Variants in CORIN observed in about 807,000 individuals in gnomAD.
The protein encoded by CORIN is atrial natriuretic peptide-converting enzyme.
CORIN carries 117 observed loss-of-function variants against 125.3 expected under a neutral mutation model. The ratio of observed to expected loss-of-function variants is 0.93; its 90% CI spans 0.80 to 1.09. CORIN has a LOEUF of 1.09. CORIN is among the 50% of genes least tolerant of loss of function. The pLI, the probability that CORIN is intolerant of heterozygous loss-of-function variation, is 0.00. For missense variants in CORIN, 1,253 were observed against 1,306.7 expected, an observed-to-expected ratio of 0.96 and a Z score of 0.63; for synonymous variants, 450 against 466.4, an observed-to-expected ratio of 0.96 and a Z score of 0.45.
chr4:47,772,300 C>T (rs1025156703), intron 3 of CORIN, among the ~76,000 whole-genome samples: 14 of 152,186 alleles, frequency 9.2e-5, no homozygotes, highest in Admixed American at 5.2e-4. Context: ...ATATAGGCCT[C>T]GGCCGATGTG....
At chr4:47,654,349 C>G (rs1387788560) in intron 12 of CORIN, among the ~76,000 whole-genome samples, 1 of 129,658 alleles carries the variant, frequency 7.7e-6, no homozygotes, top group East Asian at 2.1e-4. Context: ...AAAAAAGCAC[C>G]TTCATAAGAA....
intron 3 of CORIN, among the ~76,000 whole-genome samples, chr4:47,773,277 A>G (rs1730142875): frequency 6.6e-6 from 1 of 152,214 alleles, no homozygotes; most frequent in African/African-American, 2.4e-5. Context: ...CAATAAGGAA[A>G]GGATTTATTG....
At chr4:47,617,159 AT>A (rs1253556821) in intron 19 of CORIN, among the ~76,000 whole-genome samples, 3 of 152,372 alleles carry the variant, frequency 2.0e-5, no homozygotes, top group African/African-American at 7.2e-5. Flanking sequence ...ATAGTTGTCT[AT>A]TCACAATCAG....
chr4:47,775,657 G>C (rs1429694086), intron 3 of CORIN, among the ~76,000 whole-genome samples: 2 of 152,148 alleles, frequency 1.3e-5, no homozygotes, highest in African/African-American at 4.8e-5. Flanking sequence ...AGGGTGGATG[G>C]AGGGAAGACA....
rs1482410971 is a variant in CORIN, at chr4:47,603,536, A to T, written c.2673T>A (p.Tyr891Ter). The T allele has an allele frequency of 6.2e-7, 1 of 1,614,062 alleles. No individual in the cohort carries two copies. Among genetic ancestry groups the T allele is most frequent in the East Asian group, 2.2e-5 (1 of 44,890 alleles). Residue 891 changes from tyrosine to a stop codon, truncating the protein, a stop_gained, in exon 20 of 22, where the codon TAT becomes TAA. Transcript: ENST00000273857. LOFTEE classifies it high-confidence loss of function. ...HPRYSRAVVD[Y>*]DISIVELSED... is the part of the protein sequence containing the mutation. ...CACTCAGCTCAACGATGCTGATGTC[A>T]TAGTCCACCACTGCTCGACTGTAGC...
At chr4:47,759,175 C>T (rs1284987292) in intron 4 of CORIN, among the ~76,000 whole-genome samples, 1 of 152,082 alleles carries the variant, frequency 6.6e-6, no homozygotes, top group East Asian at 1.9e-4. Flanking sequence ...TATCAACATG[C>T]AGAAGAATGA....
At chr4:47,785,122 G>A (rs570128287) in intron 3 of CORIN, among the ~76,000 whole-genome samples, 102 of 152,328 alleles carry the variant, frequency 6.7e-4, no homozygotes, top group Middle Eastern at 3.4e-3. Flanking sequence ...AATGATCATG[G>A]TTGGATGGGC....
In CORIN at chr4:47,763,563, T is replaced by C. The variant is rs749489891; in HGVS notation, c.433A>G (p.Ser145Gly). 15 of 1,614,046 alleles carry C rather than the reference T, an allele frequency of 9.3e-6. No homozygotes were observed. In the Admixed American group the frequency reaches 2.0e-4, roughly 22 times the overall value. Residue 145 changes from serine (S) to glycine (G), a missense_variant, in exon 4 of 22, where the codon AGC becomes GGC. Coordinates refer to ENST00000273857, the MANE Select transcript of CORIN (RefSeq NM_006587.4). ...TGGTAGGGCAGCATCTGACACTGGCTGTGGGTGATGTTCATACAGGCACCT... is the reference window on the plus strand; with the variant it reads ...TGGTAGGGCAGCATCTGACACTGGCCGTGGGTGATGTTCATACAGGCACCT... ...NTSACMNITHSQCQMLPYHAT... is the reference protein window; with the variant it reads ...NTSACMNITHGQCQMLPYHAT...
chr4:47,775,572 G>A (rs1006180827), intron 3 of CORIN, among the ~76,000 whole-genome samples: 5 of 152,030 alleles, frequency 3.3e-5, no homozygotes, highest in African/African-American at 7.2e-5. Flanking sequence ...GCTGCATAGT[G>A]TTCCATGGTG....
At chr4:47,731,146 A>G (rs1011726880) in intron 5 of CORIN, among the ~76,000 whole-genome samples, 1 of 152,246 alleles carries the variant, frequency 6.6e-6, no homozygotes, top group Non-Finnish European at 1.5e-5. Context: ...AACTGAAAGA[A>G]CTACATTGTT....
chr4:47,616,904 G>T (rs1476044512), intron 19 of CORIN, among the ~76,000 whole-genome samples: 1 of 152,184 alleles, frequency 6.6e-6, no homozygotes. Flanking sequence ...AAATAAAAAT[G>T]ATAACTTTAG....
rs543083076 is a variant in CORIN, at chr4:47,813,272, C to CCTTG, written c.64-6229_64-6226dup. Reference sequence around the variant, plus strand: ...AAAACTAAAAATATCCAGCAAAGTCCCTTGAGTCACTGCAGCAACCTGGAA... The same window carrying CCTTG: ...AAAACTAAAAATATCCAGCAAAGTCCCTTGCTTGAGTCACTGCAGCAACCTGGAA... On this transcript the variant is annotated intron_variant, in intron 1 of 21. Coordinates refer to ENST00000273857, the MANE Select transcript of CORIN (RefSeq NM_006587.4). Among the ~76,000 whole-genome samples the CCTTG allele has an allele frequency of 1.4e-4, 21 of 152,280 alleles. No homozygotes were observed. The South Asian group carries it at 3.9e-3, about 29-fold the overall frequency.
Position 47,665,119 on chromosome 4 carries a change from T to C in CORIN, c.1502A>G (p.Asn501Ser), listed in dbSNP as rs552474531. Residue 501 changes from asparagine (N) to serine (S), a missense_variant, in exon 11 of 22, where the codon AAC becomes AGC. Asn to Ser is a conservative substitution (Grantham distance 46). Coordinates refer to ENST00000273857, the MANE Select transcript of CORIN (RefSeq NM_006587.4). ...AAAGAACATGAGGTATTTATAACAG[T>C]TGGTTTGAACAAGTGCAGGGAAAAG... ...SSLFPALVQT[N>S]CYKYLMFFSC... The C allele has an allele frequency of 2.5e-6, 4 of 1,613,858 alleles. No homozygotes were observed. The Admixed American group carries it at 5.0e-5, about 20-fold the overall frequency.
At chr4:47,655,815 TG>T (rs1432831550) in intron 12 of CORIN, among the ~76,000 whole-genome samples, 1 of 148,190 alleles carries the variant, frequency 6.7e-6, no homozygotes, top group African/African-American at 2.5e-5. Context: ...TAACAAGTAA[TG>T]CTATTTAAGT....
chr4:47,650,372 G>A lies in CORIN; in HGVS notation c.1843+3181C>T, dbSNP rs537811936. Reference sequence around the variant, plus strand: ...AATAAAGGATTTTATTTTGACAGTCGATATAAAGCACCTGTTGTAGCTATA... The same window carrying A: ...AATAAAGGATTTTATTTTGACAGTCAATATAAAGCACCTGTTGTAGCTATA... On this transcript the variant is annotated intron_variant, in intron 13 of 21. Transcript: ENST00000273857. 5.3e-5 allele frequency among the ~76,000 whole-genome samples: 8 copies of A among 152,270 alleles called. No individual in the cohort carries two copies. The South Asian group carries it at 1.5e-3, about 28-fold the overall frequency.
chr4:47,664,994 G>T (rs780527929), intron 11 of CORIN, 38 bp downstream of exon 11: 24 of 1,447,188 alleles, frequency 1.7e-5, no homozygotes, highest in African/African-American at 2.8e-5. Flanking sequence ...TTCTCTCTGA[G>T]GCAAAATAAG....
chr4:47,624,794 A>C (rs1722482386), intron 17 of CORIN, among the ~76,000 whole-genome samples: 1 of 152,124 alleles, frequency 6.6e-6, no homozygotes, highest in African/African-American at 2.4e-5. Flanking sequence ...TACAACCTCA[A>C]TGTAAATGAA....
chr4:47,789,023 C>T (rs983447800), intron 2 of CORIN, among the ~76,000 whole-genome samples: 7 of 152,118 alleles, frequency 4.6e-5, no homozygotes, highest in African/African-American at 7.2e-5. Flanking sequence ...TAACATCTGG[C>T]TGGGCACAGA....
At chr4:47,763,636 T>C (rs750972220) in intron 3 of CORIN, 50 bp from the exon 4 acceptor site, 1 of 1,486,642 alleles carries the variant, frequency 6.7e-7, no homozygotes, top group Non-Finnish European at 9.4e-7. Flanking sequence ...CAGAAGTATA[T>C]GTTTGCAAAC....
Sources: gnomAD v4.1 joint callset for allele counts (sites outside exome capture counted in the v4.1 genomes callset) on GRCh38, gnomAD v4.1.1 for gene constraint, MANE v1.5 for transcripts, NCBI Gene and HGNC (gene_info 2026-07-23, HGNC 2026-07-21) for gene names.